CNPY1: variants seen among roughly 807,000 people sequenced by gnomAD.
CNPY1 encodes canopy FGF signaling regulator 1, also known as protein canopy homolog 1.
A neutral mutation model predicts 14.4 loss-of-function variants in CNPY1; 14 were observed. The observed-to-expected ratio is 0.97, with a 90% confidence interval of 0.64 to 1.52. CNPY1 has a LOEUF of 1.52. Among genes scored for constraint, CNPY1 ranks in the 40% most tolerant of loss-of-function variants. The pLI is 0.00. For synonymous variants in CNPY1, 43 were observed against 46.5 expected, an observed-to-expected ratio of 0.92 and a Z score of 0.31; for missense variants, 129 against 131.5, an observed-to-expected ratio of 0.98 and a Z score of 0.09.
intron 2 of CNPY1, among the ~76,000 whole-genome samples, chr7:155,526,219 C>G (rs1484571250): frequency 6.6e-6 from 1 of 152,164 alleles, no homozygotes; most frequent in African/African-American, 2.4e-5. Context: ...CATTCCAACT[C>G]AGTGTGGGGG....
intron 2 of CNPY1, among the ~76,000 whole-genome samples, chr7:155,527,434 CTTTTTTT>C (rs11364914): frequency 1.9e-4 from 11 of 56,884 alleles, no homozygotes; most frequent in South Asian, 9.7e-4. Context: ...TAATTAATTT[CTTTTTTT>C]TTTTTTTTTT....
intron 1 of CNPY1, 78 bp downstream of exon 1, chr7:155,546,351 A>T: frequency 2.8e-6 from 1 of 352,294 alleles, no homozygotes. Flanking sequence ...ACACCCGGCT[A>T]ATTTTTTTTT....
intron 2 of CNPY1, among the ~76,000 whole-genome samples, chr7:155,524,140 C>T (rs1407565860): frequency 2.0e-5 from 3 of 152,184 alleles, no homozygotes; most frequent in African/African-American, 2.4e-5. Context: ...TTATGGAAGC[C>T]GGAGGTGCTA....
At position 155,513,727 on chromosome 7, in the gene CNPY1, GA is replaced by G. The variant is rs565559092; in HGVS notation, c.100-4631del. Among the ~76,000 whole-genome samples the G allele has an allele frequency of 2.7e-4, 39 of 143,848 alleles. No individual in the cohort carries two copies. In the South Asian group the frequency reaches 3.1e-3, roughly 11 times the overall value. 94.4% of individuals were successfully genotyped at this position (143,848 alleles called of 152,430 possible). A position where few individuals can be genotyped will look rare whatever the true frequency, so the allele number is the denominator to read the frequency against. ...TTTTCAACTTAACAGTGATCAAACA[GA>G]AAAAAAAAAGGCGTAATGAATCAAC... On this transcript the variant is annotated intron_variant, in intron 2 of 4. Transcript: ENST00000636446.
At chr7:155,544,377 C>T (rs543543154) in intron 2 of CNPY1, among the ~76,000 whole-genome samples, 17 of 152,332 alleles carry the variant, frequency 1.1e-4, no homozygotes, top group South Asian at 8.3e-4. Flanking sequence ...CAGGGCTCTG[C>T]GGTCATTTCC....
rs765429256 is a variant in CNPY1 at position 155,506,571 on chromosome 7, AC to A, written c.400+448del. 930 of 157,888 alleles carry A rather than the reference AC, an allele frequency of 5.9e-3. 6 individuals are homozygous for A. Among genetic ancestry groups the A allele is most frequent in the Non-Finnish European group, 7.3e-3 (544 of 74,222 alleles). The allele number at this position is 157,888 out of a possible 1,614,324, so 9.8% of individuals were successfully genotyped here. On this transcript the variant is annotated intron_variant, in intron 4 of 4. Coordinates refer to ENST00000636446, the MANE Select transcript of CNPY1 (RefSeq NM_001393663.1). ...TCCCCCCAAACAAACAAACAAACAA[AC>A]AAACAAAAAAACTTTAGAAAGTTCT...
At chr7:155,518,570 G>C (rs141866779) in intron 2 of CNPY1, 1 of 152,202 alleles carries the variant, frequency 6.6e-6, no homozygotes, top group African/African-American at 2.4e-5. Context: ...GCTCTAGGGT[G>C]GACCTTTCAC....
At chr7:155,534,397 AC>A (rs1186780160) in intron 2 of CNPY1, among the ~76,000 whole-genome samples, 3 of 152,168 alleles carry the variant, frequency 2.0e-5, no homozygotes, top group Non-Finnish European at 4.4e-5. Context: ...ACACACATGC[AC>A]GTGTACACAC....
chr7:155,527,434 C>CTTTTTTTTTTTT (rs11364914), intron 2 of CNPY1, among the ~76,000 whole-genome samples: 5 of 56,882 alleles, frequency 8.8e-5, no homozygotes, highest in Non-Finnish European at 1.2e-4. Flanking sequence ...TAATTAATTT[C>CTTTTTTTTTTTT]TTTTTTTTTT....
intron 2 of CNPY1, among the ~76,000 whole-genome samples, chr7:155,527,268 G>A (rs955264067): frequency 6.0e-5 from 9 of 150,818 alleles, no homozygotes; most frequent in Admixed American, 1.3e-4. Context: ...TTAAAACGTC[G>A]AAGCCAAAAA....
At chr7:155,510,076 G>T (rs942881856) in intron 2 of CNPY1, among the ~76,000 whole-genome samples, 2 of 152,216 alleles carry the variant, frequency 1.3e-5, no homozygotes, top group African/African-American at 4.8e-5. Context: ...CATGACAACC[G>T]CAGTGAAAGG....
chr7:155,515,542 C>T (rs1796606257), intron 2 of CNPY1, among the ~76,000 whole-genome samples: 1 of 152,166 alleles, frequency 6.6e-6, no homozygotes, highest in Admixed American at 6.5e-5. Flanking sequence ...AGATGCCCGA[C>T]ATGACCCCCT....
chr7:155,504,453 T>G (rs1469450879), intron 4 of CNPY1, among the ~76,000 whole-genome samples: 2 of 152,014 alleles, frequency 1.3e-5, no homozygotes, highest in Non-Finnish European at 2.9e-5. Context: ...TTATTATAAA[T>G]AAAGAGAAAT....
chr7:155,515,299 C>A (rs1438203726), intron 2 of CNPY1, among the ~76,000 whole-genome samples: 6 of 143,308 alleles, frequency 4.2e-5, no homozygotes, highest in East Asian at 2.1e-4. Flanking sequence ...AGGCCGCCCC[C>A]CCCCCCCCCG....
chr7:155,520,959 T>G (rs1007770300), intron 2 of CNPY1, among the ~76,000 whole-genome samples: 1 of 151,636 alleles, frequency 6.6e-6, no homozygotes, highest in Middle Eastern at 3.4e-3. Flanking sequence ...AAATCCCATC[T>G]CCATTAAAAA....
At chr7:155,538,554 G>T (rs1278837060) in intron 2 of CNPY1, among the ~76,000 whole-genome samples, 1 of 152,084 alleles carries the variant, frequency 6.6e-6, no homozygotes, top group Non-Finnish European at 1.5e-5. Flanking sequence ...CCCCCACAAG[G>T]CCCTGAGCTT....
At position 155,520,057 on chromosome 7, in the gene CNPY1, G is replaced by C. The variant is rs1170350971; in HGVS notation, c.100-10960C>G. 3.3e-5 allele frequency among the ~76,000 whole-genome samples: 5 copies of C among 152,192 alleles called. No homozygotes were observed. The East Asian group carries it at 5.8e-4, about 18-fold the overall frequency. On this transcript the variant is annotated intron_variant, in intron 2 of 4. Transcript: ENST00000636446. Reference sequence around the variant, plus strand: ...TTATTTTTGCGGAACATATTCCTAAGTTTGGGGTAACTAGGTCGCCGTAGG... The same window carrying C: ...TTATTTTTGCGGAACATATTCCTAACTTTGGGGTAACTAGGTCGCCGTAGG...
Position 155,501,679 on chromosome 7 carries a change from G to C in CNPY1, c.*1389C>G, listed in dbSNP as rs1373789500. On this transcript the variant is annotated 3_prime_UTR_variant, in exon 5 of 5. Coordinates refer to ENST00000636446, the MANE Select transcript of CNPY1 (RefSeq NM_001393663.1). ...AATTGTCCTACCCTACTGGAAAATA[G>C]TGTTAATTATTATTCAGTTCTATTT... 5.3e-5 allele frequency: 8 copies of C among 152,200 alleles called. No individual in the cohort carries two copies. Among genetic ancestry groups the C allele is most frequent in the Non-Finnish European group, 1.2e-4 (8 of 68,032 alleles). The allele number at this position is 152,200 out of a possible 1,614,324, so 9.4% of individuals were successfully genotyped here.
At position 155,503,059 on chromosome 7, in the gene CNPY1, A is replaced by G; in HGVS notation, c.*9T>C. ...TTTACTCCTCTCTACGACCAGCAGA[A>G]CGGCACTCCTAGAGCTCAGTATGAT... On this transcript the variant is annotated 3_prime_UTR_variant, in exon 5 of 5. Transcript: ENST00000636446. 1 of 1,610,144 alleles carries G rather than the reference A, an allele frequency of 6.2e-7. No homozygotes were observed.
Sources: allele counts gnomAD v4.1 joint callset (sites outside exome capture counted in the v4.1 genomes callset), GRCh38; gene constraint gnomAD v4.1.1; transcripts MANE v1.5; gene names NCBI Gene and HGNC (gene_info 2026-07-23, HGNC 2026-07-21).